SYNPR: variants seen among roughly 807,000 people sequenced by gnomAD.
The protein encoded by SYNPR is synaptoporin.
In SYNPR, 23 loss-of-function variants were observed where a neutral mutation model predicts 32.9. The observed-to-expected ratio is 0.70, with a 90% CI of 0.50 to 0.99. SYNPR has a LOEUF of 0.99. SYNPR is among the 50% of genes least tolerant of loss of function. SYNPR has a pLI of 0.00. For missense variants in SYNPR, 318 were observed against 349.3 expected (o/e 0.91, Z 0.71); for synonymous variants, 146 against 135.9 (o/e 1.07, Z -0.52).
In SYNPR at chr3:63,327,002, GA is replaced by G. The variant is rs111276219; in HGVS notation, c.84+48271del. Among the ~76,000 whole-genome samples the G allele has an allele frequency of 7.3e-3, 1,049 of 143,924 alleles. 14 individuals are homozygous for G. Among genetic ancestry groups the G allele is most frequent in the African/African-American group, 0.022 (859 of 39,422 alleles). The allele number at this position is 143,924 out of a possible 152,430, so 94.4% of individuals were successfully genotyped here. A position where few individuals can be genotyped will look rare whatever the true frequency, so the allele number is the denominator to read the frequency against. On this transcript the variant is annotated intron_variant, in intron 2 of 5. Coordinates refer to ENST00000478300, the MANE Select transcript of SYNPR (RefSeq NM_001130003.2). ...CCATTAAAAGACTACTTTCCTCATA[GA>G]AAAAAAAAAATGAACCACTGACACT...
At chr3:63,457,838 G>A (rs1193616643) in intron 2 of SYNPR, among the ~76,000 whole-genome samples, 5 of 152,080 alleles carry the variant, frequency 3.3e-5, no homozygotes, top group Non-Finnish European at 7.4e-5. Context: ...CCTTAGAAGT[G>A]TAAGACTACA....
At chr3:63,460,962 T>C (rs1478451391) in intron 2 of SYNPR, among the ~76,000 whole-genome samples, 1 of 151,964 alleles carries the variant, frequency 6.6e-6, no homozygotes, top group African/African-American at 2.4e-5. Context: ...ATAATCAATA[T>C]TATGAATGTG....
At chr3:63,541,392 C>G (rs1315218167) in intron 3 of SYNPR, among the ~76,000 whole-genome samples, 1 of 152,006 alleles carries the variant, frequency 6.6e-6, no homozygotes, top group Non-Finnish European at 1.5e-5. Context: ...TAAGACTCAA[C>G]CAACCACAGT....
At chr3:63,512,752 C>T (rs1455006821) in intron 3 of SYNPR, among the ~76,000 whole-genome samples, 1 of 152,138 alleles carries the variant, frequency 6.6e-6, no homozygotes, top group Non-Finnish European at 1.5e-5. Context: ...AAAACACAGC[C>T]CTGCTTGACA....
chr3:63,380,880 T>G (rs142652485), intron 2 of SYNPR, among the ~76,000 whole-genome samples: 1,676 of 152,228 alleles, frequency 0.011, 38 homozygotes, highest in African/African-American at 0.038. Flanking sequence ...TCTCAGTAAA[T>G]TAGGTATTGA....
intron 2 of SYNPR, among the ~76,000 whole-genome samples, chr3:63,460,232 C>T (rs1465748997): frequency 6.6e-6 from 1 of 152,182 alleles, no homozygotes; most frequent in South Asian, 2.1e-4. Context: ...ACTGTCTCTC[C>T]AGATTATATC....
At chr3:63,320,155 T>G (rs960264732) in intron 2 of SYNPR, among the ~76,000 whole-genome samples, 5 of 151,990 alleles carry the variant, frequency 3.3e-5, no homozygotes, top group Admixed American at 3.3e-4. Context: ...TTCACTCTAT[T>G]GTCCAGGATG....
chr3:63,551,410 T>C (rs1452546828), intron 3 of SYNPR, among the ~76,000 whole-genome samples: 1 of 152,200 alleles, frequency 6.6e-6, no homozygotes, highest in Non-Finnish European at 1.5e-5. Flanking sequence ...ACAAATGTTA[T>C]CATTTCTCTT....
chr3:63,295,105 C>T (rs1650939326), intron 2 of SYNPR, among the ~76,000 whole-genome samples: 2 of 152,024 alleles, frequency 1.3e-5, no homozygotes, highest in South Asian at 4.1e-4. Context: ...TTTCTCAGAT[C>T]ATATTCCTGA....
intron 2 of SYNPR, among the ~76,000 whole-genome samples, chr3:63,450,213 G>A (rs1219362174): frequency 6.6e-6 from 1 of 152,114 alleles, no homozygotes; most frequent in Non-Finnish European, 1.5e-5. Flanking sequence ...TATTGCAAAA[G>A]CTGCAAGAAG....
chr3:63,505,236 G>T (rs1197317055), intron 3 of SYNPR, among the ~76,000 whole-genome samples: 2 of 152,132 alleles, frequency 1.3e-5, no homozygotes, highest in African/African-American at 2.4e-5. Flanking sequence ...ATATGAAATT[G>T]ACACATTTAT....
chr3:63,324,407 G>A (rs1560192424), intron 2 of SYNPR, among the ~76,000 whole-genome samples: 2 of 152,106 alleles, frequency 1.3e-5, no homozygotes, highest in Non-Finnish European at 2.9e-5. Context: ...TGTAGCCAAC[G>A]GGGAAACACT....
chr3:63,334,565 C>G (rs1278856402), intron 2 of SYNPR, among the ~76,000 whole-genome samples: 2 of 148,618 alleles, frequency 1.3e-5, no homozygotes, highest in East Asian at 2.0e-4. Context: ...TGTGGACACA[C>G]GTGGACAGGC....
intron 3 of SYNPR, among the ~76,000 whole-genome samples, chr3:63,270,954 C>T (rs1260984562): frequency 1.5e-3 from 25 of 16,384 alleles, no homozygotes; most frequent in African/African-American, 3.9e-3. Context: ...TCTTTTCTTC[C>T]TTCCTTCCTT....
At chr3:63,514,775 A>C (rs1701764346) in intron 3 of SYNPR, among the ~76,000 whole-genome samples, 1 of 152,106 alleles carries the variant, frequency 6.6e-6, no homozygotes, top group Admixed American at 6.6e-5. Context: ...GCTCTTAATG[A>C]ATAACCTTCC....
Position 63,398,072 on chromosome 3 carries a change from G to C in SYNPR, c.85-82760G>C, listed in dbSNP as rs111456602. 1.6e-3 allele frequency among the ~76,000 whole-genome samples: 247 copies of C among 152,314 alleles called. 4 individuals are homozygous for C. Among genetic ancestry groups the C allele is most frequent in the Middle Eastern group, 0.01 (3 of 294 alleles). On this transcript the variant is annotated intron_variant, in intron 2 of 5. Coordinates refer to ENST00000478300, the MANE Select transcript of SYNPR (RefSeq NM_001130003.2). ...TGAAGAAAAGAGGGTGAACCTTTTA[G>C]AAGAGCCTGGGCTGCAAAATGATCA...
chr3:63,429,927 T>C (rs896644058), intron 2 of SYNPR, among the ~76,000 whole-genome samples: 1 of 152,226 alleles, frequency 6.6e-6, no homozygotes, highest in Non-Finnish European at 1.5e-5. Context: ...ACCAACCTTA[T>C]TAGGACTATT....
At chr3:63,254,785 A>G (rs960274099) in intron 2 of SYNPR, among the ~76,000 whole-genome samples, 6 of 152,182 alleles carry the variant, frequency 3.9e-5, no homozygotes, top group Non-Finnish European at 7.3e-5. Flanking sequence ...GAGTCTTTAA[A>G]GAGGTAATTA....
chr3:63,412,169 G>A (rs1286042308), intron 2 of SYNPR, among the ~76,000 whole-genome samples: 3 of 152,128 alleles, frequency 2.0e-5, no homozygotes, highest in East Asian at 3.9e-4. Flanking sequence ...AAGGACCACT[G>A]GAAGAGTATC....
Sources: gnomAD v4.1 joint callset for allele counts (sites outside exome capture counted in the v4.1 genomes callset) on GRCh38, gnomAD v4.1.1 for gene constraint, MANE v1.5 for transcripts, NCBI Gene and HGNC (gene_info 2026-07-23, HGNC 2026-07-21) for gene names.